Variants in ST8SIA2 observed in about 807,000 individuals in gnomAD.
ST8SIA2 encodes alpha-2,8-sialyltransferase 8B.
ST8SIA2 carries 22 observed loss-of-function variants against 37.6 expected under a neutral mutation model. The observed-to-expected ratio is 0.58, with a 90% CI of 0.42 to 0.83. The LOEUF is 0.83. ST8SIA2 is among the 40% of genes least tolerant of loss of function. The pLI, the probability that ST8SIA2 is intolerant of heterozygous loss-of-function variation, is 0.00. For synonymous variants in ST8SIA2, 205 were observed against 201.2 expected (o/e 1.02, Z -0.16); for missense variants, 382 against 484.7 (o/e 0.79, Z 1.99).
At chr15:92,401,357 G>C (rs1453433368) in intron 1 of ST8SIA2, among the ~76,000 whole-genome samples, 1 of 152,184 alleles carries the variant, frequency 6.6e-6, no homozygotes, top group Non-Finnish European at 1.5e-5. Flanking sequence ...TCTCTTGGGT[G>C]GCATCTGGGC....
In ST8SIA2 at chr15:92,445,060, A is replaced by G. The variant is rs1009112378; in HGVS notation, c.842+131A>G. 27 of 1,353,310 alleles carry G rather than the reference A, an allele frequency of 2.0e-5. No individual in the cohort carries two copies. The African/African-American group carries it at 3.6e-4, about 18-fold the overall frequency. 83.8% of individuals were successfully genotyped at this position (1,353,310 alleles called of 1,614,324 possible). ...ATTTGCTGGATGGCCTCAGCAAGTC[A>G]CCTGGCCTTTCTGAGCCTCCATTCC... On this transcript the variant is annotated intron_variant, in intron 5 of 5. Coordinates refer to ENST00000268164, the MANE Select transcript of ST8SIA2 (RefSeq NM_006011.4).
At chr15:92,409,563 A>G (rs2049534417) in intron 1 of ST8SIA2, among the ~76,000 whole-genome samples, 1 of 151,908 alleles carries the variant, frequency 6.6e-6, no homozygotes, top group African/African-American at 2.4e-5. Context: ...TCATGAGGGA[A>G]GGGCCCATTT....
At chr15:92,436,692 G>T (rs2049760776) in intron 3 of ST8SIA2, among the ~76,000 whole-genome samples, 1 of 152,102 alleles carries the variant, frequency 6.6e-6, no homozygotes, top group Admixed American at 6.5e-5. Flanking sequence ...CCTTGGTAAA[G>T]CACAGTAAAT....
chr15:92,448,614 G>T (rs889824583), intron 5 of ST8SIA2, among the ~76,000 whole-genome samples: 2 of 152,158 alleles, frequency 1.3e-5, no homozygotes, highest in Non-Finnish European at 2.9e-5. Flanking sequence ...CCAGAGCCCC[G>T]CAGAAGACAC....
At chr15:92,447,280 A>G (rs1301858817) in intron 5 of ST8SIA2, among the ~76,000 whole-genome samples, 2 of 152,226 alleles carry the variant, frequency 1.3e-5, no homozygotes, top group Non-Finnish European at 2.9e-5. Context: ...AACAAGCCCA[A>G]GCAAACAAGC....
intron 1 of ST8SIA2, among the ~76,000 whole-genome samples, chr15:92,394,654 G>C (rs3784744): frequency 0.094 from 14,247 of 152,248 alleles, 864 homozygotes; most frequent in Middle Eastern, 0.18. Context: ...GCGGGGTTCT[G>C]CATGGGCTAC....
rs931739197 is a variant in ST8SIA2 at position 92,430,125 on chromosome 15, A to G, written c.161+14A>G. On this transcript the variant is annotated intron_variant, in intron 2 of 5. Transcript: ENST00000268164. ...CAAATCTAATAGGTTTGTAAATTAG[A>G]TTTTGTGTTCATTTGTTTTTGCTGT... is the stretch of plus-strand genomic sequence containing the variant. 6.2e-7 allele frequency: 1 copy of G among 1,613,164 alleles called. No homozygotes were observed. Among genetic ancestry groups the G allele is most frequent in the African/African-American group, 1.3e-5 (1 of 74,898 alleles).
chr15:92,438,279 G>C, intron 3 of ST8SIA2, 74 bp from the exon 4 acceptor site: 1 of 1,612,156 alleles, frequency 6.2e-7, no homozygotes, highest in South Asian at 1.1e-5. Flanking sequence ...GGCGACCCTG[G>C]ATAGGAAAAG....
chr15:92,456,331 A>G (rs992955256), intron 5 of ST8SIA2, among the ~76,000 whole-genome samples: 2 of 134,916 alleles, frequency 1.5e-5, no homozygotes, highest in African/African-American at 5.1e-5. Flanking sequence ...TCTCCTGATA[A>G]TGTCCCCAGA....
intron 4 of ST8SIA2, among the ~76,000 whole-genome samples, chr15:92,441,446 T>C (rs1319109933): frequency 1.3e-5 from 2 of 152,100 alleles, no homozygotes; most frequent in Non-Finnish European, 2.9e-5. Flanking sequence ...CTGCTGGGAA[T>C]GTCTGAGGGG....
chr15:92,464,337 G>C lies in ST8SIA2; in HGVS notation c.1080G>C (p.Glu360Asp). 1 of 1,614,066 alleles carries C rather than the reference G, an allele frequency of 6.2e-7. No individual in the cohort carries two copies. Among genetic ancestry groups the C allele is most frequent in the South Asian group, 1.1e-5 (1 of 91,066 alleles). ...TTAAGGCCCTCAAGAGCCTACATGA[G>C]CAGGGGGCTTTGAAACTGACTGTCG... ...LEFKALKSLH[E>D]QGALKLTVGQ... The change falls in exon 6 of 6, where the codon GAG becomes GAC. Residue 360 changes from glutamate to aspartate, a missense_variant. Coordinates refer to ENST00000268164, the MANE Select transcript of ST8SIA2 (RefSeq NM_006011.4).
intron 1 of ST8SIA2, among the ~76,000 whole-genome samples, chr15:92,418,750 C>A (rs2049608167): frequency 6.6e-6 from 1 of 152,060 alleles, no homozygotes; most frequent in Non-Finnish European, 1.5e-5. Flanking sequence ...GAAAGTAATG[C>A]TGAACAAAAT....
chr15:92,429,299 TATCC>T (rs1286618764), intron 1 of ST8SIA2, among the ~76,000 whole-genome samples: 1 of 152,192 alleles, frequency 6.6e-6, no homozygotes, highest in Non-Finnish European at 1.5e-5. Flanking sequence ...CACATGTATT[TATCC>T]ATCCACCAAC....
chr15:92,459,270 A>G (rs1276129130), intron 5 of ST8SIA2, among the ~76,000 whole-genome samples: 1 of 152,206 alleles, frequency 6.6e-6, no homozygotes, highest in Non-Finnish European at 1.5e-5. Context: ...GGAAGTAAAC[A>G]TCGGGGTGAT....
intron 4 of ST8SIA2, among the ~76,000 whole-genome samples, chr15:92,443,306 G>A (rs1012037417): frequency 1.3e-5 from 2 of 152,146 alleles, no homozygotes; most frequent in South Asian, 4.1e-4. Context: ...CTCCCCTGCA[G>A]TGCCCTCTGC....
At chr15:92,434,828 T>TA (rs1021077514) in intron 3 of ST8SIA2, among the ~76,000 whole-genome samples, 2 of 152,184 alleles carry the variant, frequency 1.3e-5, no homozygotes, top group Non-Finnish European at 2.9e-5. Context: ...TGCTCCTCCC[T>TA]AACAACGTGA....
At chr15:92,429,834 G>C (rs540942343) in intron 1 of ST8SIA2, among the ~76,000 whole-genome samples, 1 of 152,336 alleles carries the variant, frequency 6.6e-6, no homozygotes, top group Admixed American at 6.5e-5. Flanking sequence ...TATTCAAGTG[G>C]GGAGAGGGGC....
chr15:92,451,370 T>TG (rs2049880846), intron 5 of ST8SIA2, among the ~76,000 whole-genome samples: 1 of 152,132 alleles, frequency 6.6e-6, no homozygotes. Flanking sequence ...GTTCAGAGCC[T>TG]GGGGCAGCAC....
At chr15:92,424,032 C>G (rs2049656140) in intron 1 of ST8SIA2, among the ~76,000 whole-genome samples, 1 of 152,124 alleles carries the variant, frequency 6.6e-6, no homozygotes, top group East Asian at 1.9e-4. Context: ...AGGCATAAAC[C>G]TCAGTGGCTT....
Sources: gnomAD v4.1 joint callset for allele counts (sites outside exome capture counted in the v4.1 genomes callset) on GRCh38, gnomAD v4.1.1 for gene constraint, MANE v1.5 for transcripts, NCBI Gene and HGNC (gene_info 2026-07-23, HGNC 2026-07-21) for gene names.